The following LRRTM4 variants were observed in gnomAD, a reference collection of about 807,000 sequenced individuals.
LRRTM4 encodes the protein leucine rich repeat transmembrane neuronal 4, also known as leucine-rich repeat transmembrane neuronal protein 4.
Under a neutral mutation model 47.6 loss-of-function variants are expected in LRRTM4, and 25 were observed. That is an observed-to-expected ratio of 0.53 (90% CI 0.38 to 0.73). The LOEUF is 0.73. Among genes scored for constraint, LRRTM4 ranks in the 30% least tolerant of loss-of-function variants. The pLI is 0.00. For synonymous variants in LRRTM4, 311 were observed against 269.5 expected (o/e 1.15, Z -1.51); for missense variants, 638 against 713.4 (o/e 0.89, Z 1.20).
intron 2 of LRRTM4, among the ~76,000 whole-genome samples, chr2:77,520,375 A>G (rs1394031250): frequency 1.3e-5 from 2 of 152,072 alleles, no homozygotes; most frequent in Admixed American, 1.3e-4. Flanking sequence ...CCTGCCTGAA[A>G]TTGTGTACTT....
At chr2:77,506,952 GA>G (rs1558775141) in intron 3 of LRRTM4, among the ~76,000 whole-genome samples, 1 of 151,958 alleles carries the variant, frequency 6.6e-6, no homozygotes, top group Non-Finnish European at 1.5e-5. Flanking sequence ...TTTCTAATAT[GA>G]AATTAATTTT....
intron 3 of LRRTM4, among the ~76,000 whole-genome samples, chr2:76,817,326 A>C (rs2103845694): frequency 6.6e-6 from 1 of 152,070 alleles, no homozygotes; most frequent in South Asian, 2.1e-4. Flanking sequence ...GTTGTTGCTA[A>C]GTTGGAGGTT....
Position 77,095,978 on chromosome 2 carries a change from A to ATTATT in LRRTM4, c.1552-347063_1552-347062insAATAA, listed in dbSNP as rs763581884. Among the ~76,000 whole-genome samples the ATTATT allele has an allele frequency of 2.0e-5, 3 of 152,282 alleles. No homozygotes were observed. In the South Asian group the frequency reaches 6.2e-4, roughly 32 times the overall value. On this transcript the variant is annotated intron_variant, in intron 3 of 3. Transcript: ENST00000409884. Reference sequence around the variant, plus strand: ...GACTGCATGGTGACCAGAGTTAATAATAATGTATTCTATACTTCAAAATTG... The same window carrying ATTATT: ...GACTGCATGGTGACCAGAGTTAATAATTATTTAATGTATTCTATACTTCAAAATTG...
chr2:76,782,570 A>G (rs1321043169), intron 3 of LRRTM4, among the ~76,000 whole-genome samples: 3 of 152,218 alleles, frequency 2.0e-5, no homozygotes, highest in Non-Finnish European at 4.4e-5. Flanking sequence ...AGCAGTTATG[A>G]TTTAATACTG....
In LRRTM4 at chr2:77,267,768, C is replaced by T. The variant is rs181993889; in HGVS notation, c.1551+250550G>A. 1.7e-3 allele frequency among the ~76,000 whole-genome samples: 224 copies of T among 128,108 alleles called. 1 individual carries two copies. Among genetic ancestry groups the T allele is most frequent in the African/African-American group, 6.2e-3 (213 of 34,352 alleles). 84.0% of individuals were successfully genotyped at this position (128,108 alleles called of 152,430 possible). On this transcript the variant is annotated intron_variant, in intron 3 of 3. Coordinates refer to ENST00000409884, the MANE Select transcript of LRRTM4 (RefSeq NM_001134745.3). ...GTTTGGACTATACATTTTATGATTA[C>T]ACTGTCACACAATTAGAATTTCAAA...
chr2:76,813,336 G>A (rs1670800719), intron 3 of LRRTM4, among the ~76,000 whole-genome samples: 1 of 152,036 alleles, frequency 6.6e-6, no homozygotes, highest in African/African-American at 2.4e-5. Flanking sequence ...TGTCAGACAA[G>A]GACCATCTTT....
intron 3 of LRRTM4, among the ~76,000 whole-genome samples, chr2:76,962,252 A>C (rs1562340): frequency 0.11 from 16,700 of 151,216 alleles, 1,385 homozygotes; most frequent in East Asian, 0.46. Context: ...GTTTTGTACA[A>C]AACAGCATGT....
chr2:76,873,041 C>A (rs1672671525), intron 3 of LRRTM4, among the ~76,000 whole-genome samples: 1 of 152,064 alleles, frequency 6.6e-6, no homozygotes, highest in South Asian at 2.1e-4. Context: ...GCCAAATAAA[C>A]CTCTTACCTT....
intron 3 of LRRTM4, among the ~76,000 whole-genome samples, chr2:77,398,768 T>C (rs1283849204): frequency 2.0e-5 from 3 of 151,844 alleles, no homozygotes; most frequent in Non-Finnish European, 4.4e-5. Context: ...AAACATACCC[T>C]GATAATGACC....
intron 3 of LRRTM4, among the ~76,000 whole-genome samples, chr2:76,776,415 A>G (rs930351091): frequency 1.3e-5 from 2 of 151,998 alleles, no homozygotes; most frequent in Middle Eastern, 3.2e-3. Flanking sequence ...CCTCTCCAGC[A>G]CCTGTTGTTT....
intron 3 of LRRTM4, among the ~76,000 whole-genome samples, chr2:77,419,622 T>C (rs1674790612): frequency 6.6e-6 from 1 of 152,128 alleles, no homozygotes; most frequent in African/African-American, 2.4e-5. Flanking sequence ...GACCCACAGT[T>C]AGTTGAATCC....
chr2:77,175,349 C>T (rs1243865568), intron 3 of LRRTM4, among the ~76,000 whole-genome samples: 1 of 152,022 alleles, frequency 6.6e-6, no homozygotes, highest in Non-Finnish European at 1.5e-5. Context: ...CTTTGGAACT[C>T]CAAGCTCTGT....
intron 3 of LRRTM4, among the ~76,000 whole-genome samples, chr2:77,043,658 A>G (rs1185787775): frequency 6.6e-6 from 1 of 151,822 alleles, no homozygotes; most frequent in African/African-American, 2.4e-5. Flanking sequence ...ATCATACTAG[A>G]AAATTATCAT....
At chr2:77,051,538 A>T (rs979769515) in intron 3 of LRRTM4, among the ~76,000 whole-genome samples, 1 of 152,186 alleles carries the variant, frequency 6.6e-6, no homozygotes, top group Admixed American at 6.5e-5. Flanking sequence ...TGAGTGACTG[A>T]AGCCAAAATA....
At position 76,998,552 on chromosome 2, in the gene LRRTM4, C is replaced by A. The variant is rs983215783; in HGVS notation, c.1552-249636G>T. ...TAATGTCAACAACCAACTATGAAGT[C>A]AAAAACTTCAGGATGAGACCCAGGA... On this transcript the variant is annotated intron_variant, in intron 3 of 3. Transcript: ENST00000409884. Among the ~76,000 whole-genome samples, 5 of 152,154 alleles carry A rather than the reference C, an allele frequency of 3.3e-5. No homozygotes were observed. The East Asian group carries it at 9.7e-4, about 29-fold the overall frequency.
At chr2:77,347,777 T>A (rs572854626) in intron 3 of LRRTM4, among the ~76,000 whole-genome samples, 3 of 152,252 alleles carry the variant, frequency 2.0e-5, no homozygotes, top group Admixed American at 2.0e-4. Flanking sequence ...CTGTATCACT[T>A]TGCAGCCCAT....
rs1671566157 is a variant in LRRTM4 at position 77,123,240 on chromosome 2, A to AGAGAGG, written c.1552-374325_1552-374324insCCTCTC. 5.9e-5 allele frequency among the ~76,000 whole-genome samples: 9 copies of AGAGAGG among 151,784 alleles called. No homozygotes were observed. In the South Asian group the frequency reaches 1.9e-3, roughly 32 times the overall value. ...GAGAGAGAGAGAGAGAGAGAGAGAGAGAGAAATTTAATTCATAATTCAGTC... is the reference window on the plus strand; with the variant it reads ...GAGAGAGAGAGAGAGAGAGAGAGAGAGAGAGGGAGAAATTTAATTCATAATTCAGTC... On this transcript the variant is annotated intron_variant, in intron 3 of 3. Transcript: ENST00000409884.
intron 3 of LRRTM4, among the ~76,000 whole-genome samples, chr2:76,900,183 A>C (rs1274926444): frequency 6.6e-6 from 1 of 152,080 alleles, no homozygotes; most frequent in East Asian, 1.9e-4. Flanking sequence ...GCAGTGAGCC[A>C]AGATCACACC....
At chr2:76,760,088 T>C (rs936980807) in intron 3 of LRRTM4, among the ~76,000 whole-genome samples, 4 of 152,130 alleles carry the variant, frequency 2.6e-5, no homozygotes, top group Non-Finnish European at 4.4e-5. Context: ...AGATATTTAT[T>C]AGAGAATTGA....
Sources: gnomAD v4.1 joint callset for allele counts (sites outside exome capture counted in the v4.1 genomes callset) on GRCh38, gnomAD v4.1.1 for gene constraint, MANE v1.5 for transcripts, NCBI Gene and HGNC (gene_info 2026-07-23, HGNC 2026-07-21) for gene names.